CFAP119: variants seen among roughly 807,000 people sequenced by gnomAD.
CFAP119 encodes the protein cilia and flagella associated protein 119.
the CFAP119 span, chr16:30,761,137 C>G: frequency 6.3e-7 from 1 of 1,579,398 alleles, no homozygotes; most frequent in African/African-American, 1.3e-5. Context: ...ACAGACAGGA[C>G]TGTTGGGGAG....
chr16:30,759,731 GGGAAAGCAA>G, the CFAP119 span: 1 of 1,603,606 alleles, frequency 6.2e-7, no homozygotes, highest in Non-Finnish European at 8.5e-7. Context: ...GTTGCTGGTA[GGGAAAGCAA>G]GATGCAGCAG....
chr16:30,757,845 C>T, the CFAP119 span: 2 of 1,396,684 alleles, frequency 1.4e-6, no homozygotes, highest in Non-Finnish European at 9.3e-7. Context: ...CTATGCTGGA[C>T]TTTGCAGCTT....
the CFAP119 span, chr16:30,760,639 T>C: frequency 3.2e-6 from 5 of 1,555,854 alleles, no homozygotes; most frequent in Admixed American, 3.9e-5. Flanking sequence ...CTTCTCCAGC[T>C]GGTGCATGGA....
At chr16:30,761,390 G>A in the CFAP119 span, 3 of 1,387,480 alleles carry the variant, frequency 2.2e-6, no homozygotes, top group African/African-American at 1.4e-5. Flanking sequence ...TGCTCTACGC[G>A]AGCACAGTAA....
At chr16:30,759,395 C>T in the CFAP119 span, 3 of 1,614,214 alleles carry the variant, frequency 1.9e-6, no homozygotes, top group Non-Finnish European at 2.5e-6. Context: ...TAAGTGTTGA[C>T]CACGTAGTCT....
the CFAP119 span, chr16:30,760,386 G>C: frequency 6.2e-7 from 1 of 1,614,188 alleles, no homozygotes; most frequent in South Asian, 1.1e-5. Context: ...TGGCAGAAGA[G>C]GTCCAGGGTG....
the CFAP119 span, chr16:30,761,860 C>G: frequency 9.4e-7 from 1 of 1,067,162 alleles, no homozygotes; most frequent in Non-Finnish European, 1.3e-6. Flanking sequence ...CTCGCTCCGG[C>G]CAATCTACGC....
the CFAP119 span, chr16:30,759,145 C>T: frequency 1.9e-6 from 3 of 1,614,202 alleles, no homozygotes; most frequent in South Asian, 1.1e-5. Context: ...CAGGCCTGGC[C>T]CAGCCCAGCC....
the CFAP119 span, chr16:30,760,348 G>C: frequency 3.1e-6 from 5 of 1,614,130 alleles, no homozygotes; most frequent in Non-Finnish European, 4.2e-6. Flanking sequence ...CCAGTGAGAA[G>C]CCCTGCTGGC....
the CFAP119 span, chr16:30,760,457 G>T: frequency 1.9e-6 from 3 of 1,613,918 alleles, no homozygotes; most frequent in Admixed American, 3.3e-5. Context: ...CAGCACCCTT[G>T]GGAGGGAGAG....
the CFAP119 span, chr16:30,760,868 T>G: frequency 1.6e-6 from 1 of 626,630 alleles, no homozygotes; most frequent in Non-Finnish European, 2.8e-6. Context: ...AGCCTAGGGT[T>G]AGGAATCTTG....
chr16:30,758,960 A>G, the CFAP119 span: 1 of 1,607,410 alleles, frequency 6.2e-7, no homozygotes, highest in Non-Finnish European at 8.5e-7. Context: ...CAAACCCTTC[A>G]TTCTACACCT....
At chr16:30,760,369 G>A in the CFAP119 span, 1 of 1,614,206 alleles carries the variant, frequency 6.2e-7, no homozygotes, top group South Asian at 1.1e-5. Context: ...GGCAGAAAAT[G>A]AGCGCGTGGC....
the CFAP119 span, chr16:30,761,283 G>T: frequency 6.2e-7 from 1 of 1,611,080 alleles, no homozygotes; most frequent in East Asian, 2.2e-5. Context: ...GGCCCGTAGC[G>T]AATCTCCAGC....
the CFAP119 span, chr16:30,761,775 G>C: frequency 3.3e-6 from 5 of 1,501,174 alleles, no homozygotes; most frequent in Middle Eastern, 9.5e-4. Flanking sequence ...GCCGCGAGGC[G>C]CCCCGGGCTC....
At chr16:30,761,347 C>G in the CFAP119 span, 9,548 of 1,493,060 alleles carry the variant, frequency 6.4e-3, 461 homozygotes, top group African/African-American at 0.11. Context: ...TAAGGAGAGG[C>G]GCGGGCGAGG....
chr16:30,760,373 G>A, the CFAP119 span: 40 of 1,614,220 alleles, frequency 2.5e-5, no homozygotes, highest in East Asian at 4.5e-5. Flanking sequence ...GAAAATGAGC[G>A]CGTGGCAGAA....
the CFAP119 span, chr16:30,758,992 T>C: frequency 6.2e-7 from 1 of 1,614,068 alleles, no homozygotes; most frequent in Non-Finnish European, 8.5e-7. Flanking sequence ...CAGGGCAGCC[T>C]GCCCTCTCCA....
chr16:30,760,339 C>T, the CFAP119 span: 1 of 1,614,230 alleles, frequency 6.2e-7, no homozygotes, highest in East Asian at 2.2e-5. Context: ...ACGTCTGCTC[C>T]AGTGAGAAGC....
Sources: gnomAD v4.1 joint callset for allele counts on GRCh38, gnomAD v4.1.1 for gene constraint, MANE v1.5 for transcripts, NCBI Gene and HGNC (gene_info 2026-07-23, HGNC 2026-07-21) for gene names.